The following VPS13A variants were observed in gnomAD, a reference collection of about 807,000 sequenced individuals.
VPS13A encodes the protein intermembrane lipid transfer protein VPS13A.
VPS13A carries 264 observed loss-of-function variants against 390.9 expected under a neutral mutation model. That is an observed-to-expected ratio of 0.68 (90% CI 0.61 to 0.75). The LOEUF (loss-of-function observed/expected upper bound fraction) is 0.75, where lower values mean the gene tolerates loss of function less well. Among genes scored for constraint, VPS13A ranks in the 30% least tolerant of loss-of-function variants. VPS13A has a pLI of 0.00. For missense variants in VPS13A, 3,409 were observed against 3,733.9 expected (o/e 0.91, Z 2.27); for synonymous variants, 1,231 against 1,227.1 (o/e 1.00, Z -0.07).
In VPS13A at chr9:77,407,616, A is replaced by G. The variant is rs1333877708; in HGVS notation, c.9474+9A>G. Reference sequence around the variant, plus strand: ...CCCCAGAGGATGCCAGGGTAAATATAATAAATCTTTTATTTAAATAGGAGC... The same window carrying G: ...CCCCAGAGGATGCCAGGGTAAATATGATAAATCTTTTATTTAAATAGGAGC... On this transcript the variant is annotated intron_variant, in intron 71 of 71. Transcript: ENST00000360280. The G allele has an allele frequency of 6.3e-7, 1 of 1,598,768 alleles. No individual in the cohort carries two copies. The highest frequency in any genetic ancestry group is 8.6e-7 in the Non-Finnish European group (1 of 1,166,600).
At chr9:77,411,148 T>A (rs897730891) in intron 71 of VPS13A, among the ~76,000 whole-genome samples, 1 of 151,996 alleles carries the variant, frequency 6.6e-6, no homozygotes, top group Non-Finnish European at 1.5e-5. Context: ...TTAAAACCAC[T>A]CAACTACATG....
chr9:77,315,125 C>A, intron 37 of VPS13A, 128 bp from the exon 38 acceptor site: 1 of 812,548 alleles, frequency 1.2e-6, no homozygotes, highest in Non-Finnish European at 2.0e-6. Context: ...TGGATCTTCC[C>A]AAGAGACATG....
chr9:77,414,292 A>C (rs1008050062), intron 71 of VPS13A, among the ~76,000 whole-genome samples: 1 of 152,216 alleles, frequency 6.6e-6, no homozygotes, highest in African/African-American at 2.4e-5. Context: ...ATGCACACAT[A>C]TGTTTATTGC....
intron 31 of VPS13A, among the ~76,000 whole-genome samples, chr9:77,292,555 G>T (rs1399936864): frequency 6.6e-6 from 1 of 152,002 alleles, no homozygotes; most frequent in Non-Finnish European, 1.5e-5. Context: ...CTTCTTTTCA[G>T]CCCTGTCTTG....
At chr9:77,233,500 T>A (rs1054080878) in intron 17 of VPS13A, among the ~76,000 whole-genome samples, 12 of 152,186 alleles carry the variant, frequency 7.9e-5, no homozygotes, top group African/African-American at 2.9e-4. Flanking sequence ...AGTGAGGTTA[T>A]TGATTTGATA....
chr9:77,221,708 T>C (rs565865269), intron 13 of VPS13A, among the ~76,000 whole-genome samples: 4 of 152,286 alleles, frequency 2.6e-5, no homozygotes, highest in South Asian at 2.1e-4. Context: ...CACTACATTT[T>C]CCCTATGTTA....
Position 77,314,188 on chromosome 9 carries a change from A to T in VPS13A, c.4242+69A>T. 2.0e-6 allele frequency: 3 copies of T among 1,526,928 alleles called. No individual in the cohort carries two copies. In the South Asian group the frequency reaches 3.5e-5, roughly 18 times the overall value. The allele number at this position is 1,526,928 out of a possible 1,614,324, so 94.6% of individuals were successfully genotyped here. On this transcript the variant is annotated intron_variant, in intron 36 of 71. Coordinates refer to ENST00000360280, the MANE Select transcript of VPS13A (RefSeq NM_033305.3). ...TTGCATAGGTTGATGTTTTTAAAGT[A>T]ACAAATGTTAATATTTAACATTTAT...
In VPS13A at chr9:77,278,220, G is replaced by A. The variant is rs989571731; in HGVS notation, c.2825-1939G>A. On this transcript the variant is annotated intron_variant, in intron 26 of 71. Transcript: ENST00000360280. ...TGAGTAGCTGGGACTACAGGCGCCC[G>A]CCACCACGCCCAGCTAATTTTTTTT... Among the ~76,000 whole-genome samples, 105 of 147,960 alleles carry A rather than the reference G, an allele frequency of 7.1e-4. 1 individual carries two copies. Among genetic ancestry groups the A allele is most frequent in the African/African-American group, 2.4e-3 (95 of 40,204 alleles).
chr9:77,231,387 C>T (rs1047287446), intron 17 of VPS13A, among the ~76,000 whole-genome samples: 1 of 152,110 alleles, frequency 6.6e-6, no homozygotes, highest in Non-Finnish European at 1.5e-5. Context: ...TTTACAATCC[C>T]ACCAGCAATG....
chr9:77,213,240 C>T lies in VPS13A; in HGVS notation c.622C>T (p.Arg208Ter), dbSNP rs119477053. The change falls in exon 9 of 72, where the codon CGA becomes TGA. Residue 208 changes from arginine (R) to a stop codon, truncating the protein, a stop_gained. Transcript: ENST00000360280. LOFTEE classifies it high-confidence loss of function. ...ETEKLVRKLI[R>*]LDNLFAYWNV... is the part of the protein sequence containing the mutation. ...TAATAAATTTTATTTTCAGTTAATC[C>T]GATTGGATAACCTGTTTGCCTATTG... 6 of 1,612,950 alleles carry T rather than the reference C, an allele frequency of 3.7e-6. No individual in the cohort carries two copies. Among genetic ancestry groups the T allele is most frequent in the Admixed American group, 1.7e-5 (1 of 59,940 alleles).
chr9:77,273,663 G>C lies in VPS13A; in HGVS notation c.2512+299G>C, dbSNP rs374779387. 3.9e-5 allele frequency among the ~76,000 whole-genome samples: 6 copies of C among 152,112 alleles called. No individual in the cohort carries two copies. In the South Asian group the frequency reaches 1.2e-3, roughly 32 times the overall value. ...CTTAAACAAAGGAAAAGAGGTTTTG[G>C]GCTTCAGGGATAGGGGTTGCTGGGG... On this transcript the variant is annotated intron_variant, in intron 24 of 71. Transcript: ENST00000360280.
At chr9:77,342,164 G>A (rs1830864597) in intron 50 of VPS13A, among the ~76,000 whole-genome samples, 1 of 152,120 alleles carries the variant, frequency 6.6e-6, no homozygotes. Flanking sequence ...GGAGAGAGCT[G>A]AGCTGCCAGG....
At position 77,371,089 on chromosome 9, in the gene VPS13A, T is replaced by G; in HGVS notation, c.9017T>G (p.Val3006Gly). 6.2e-7 allele frequency: 1 copy of G among 1,614,096 alleles called. No homozygotes were observed. The highest frequency in any genetic ancestry group is 8.5e-7 in the Non-Finnish European group (1 of 1,179,982). ...GTTGGGAAAGGTTTAGTAGGAGCGG[T>G]AGCAAGGCCAACTGGAGGCATCATA... ...KGVGKGLVGA[V>G]ARPTGGIIDM... is the part of the protein sequence containing the mutation. Residue 3006 changes from valine (V) to glycine (G), a missense_variant, in exon 67 of 72, where the codon GTA (valine) becomes GGA (glycine). Physicochemically the swap from Val to Gly is moderately radical, Grantham distance 109. Transcript: ENST00000360280.
chr9:77,363,398 TTTTTTA>T (rs1352781208), intron 59 of VPS13A, among the ~76,000 whole-genome samples: 13 of 92,204 alleles, frequency 1.4e-4, no homozygotes, highest in African/African-American at 6.2e-4. Context: ...TAATTTTTTT[TTTTTTA>T]TTTTTTTTTT....
In VPS13A at chr9:77,371,715, G is replaced by C. The variant is rs1321549327; in HGVS notation, c.9077+566G>C. Among the ~76,000 whole-genome samples, 5 of 150,554 alleles carry C rather than the reference G, an allele frequency of 3.3e-5. No homozygotes were observed. In the South Asian group the frequency reaches 1.1e-3, roughly 32 times the overall value. On this transcript the variant is annotated intron_variant, in intron 67 of 71. Transcript: ENST00000360280. ...GTACATGTGCACATTGCGCAGGTTA[G>C]TTACATATGTATACATGTGCCATGC...
At position 77,371,032 on chromosome 9, in the gene VPS13A, A is replaced by G; in HGVS notation, c.8960A>G (p.Gln2987Arg). ...AACTCTTTTTTCTTTCCAGGAGCTC[A>G]AAAAGGAGGAGCAGCTGGTTTCTTT... The part of the protein sequence containing the change: ...GIVTKPIKGA[Q>R]KGGAAGFFKG... Residue 2987 changes from glutamine to arginine, a missense_variant, in exon 67 of 72, where the codon CAA becomes CGA. By Grantham distance (43) the Gln-to-Arg change is conservative (BLOSUM62 1). This residue lies in a region of VPS13A where 318 missense variants were observed against 333.7 expected (regional missense o/e 0.95). Transcript: ENST00000360280. 1 of 1,614,086 alleles carries G rather than the reference A, an allele frequency of 6.2e-7. No homozygotes were observed. Among genetic ancestry groups the G allele is most frequent in the Middle Eastern group, 1.6e-4 (1 of 6,062 alleles).
At chr9:77,284,305 A>G (rs1827211305) in intron 31 of VPS13A, among the ~76,000 whole-genome samples, 2 of 152,230 alleles carry the variant, frequency 1.3e-5, no homozygotes, top group Non-Finnish European at 2.9e-5. Context: ...TGAGTCAGGA[A>G]GTCAGCATTT....
intron 1 of VPS13A, among the ~76,000 whole-genome samples, chr9:77,189,912 T>C (rs777935561): frequency 1.3e-5 from 2 of 152,178 alleles, no homozygotes; most frequent in Non-Finnish European, 2.9e-5. Flanking sequence ...TTGGATGTTA[T>C]TGGTATATAG....
intron 15 of VPS13A, 31 bp downstream of exon 15, chr9:77,226,629 A>G (rs1176085395): frequency 1.2e-6 from 2 of 1,600,186 alleles, no homozygotes; most frequent in Non-Finnish European, 1.7e-6. Context: ...AGCATAGTTA[A>G]TCACTGGGTG....
Sources: allele counts gnomAD v4.1 joint callset (sites outside exome capture counted in the v4.1 genomes callset), GRCh38; gene constraint gnomAD v4.1.1; regional missense constraint gnomAD v4.1.1; transcripts MANE v1.5; gene names NCBI Gene and HGNC (gene_info 2026-07-23, HGNC 2026-07-21).